Variants in UQCRB observed in about 807,000 individuals in gnomAD.
UQCRB encodes ubiquinol-cytochrome c reductase binding protein.
A neutral mutation model predicts 19.8 loss-of-function variants in UQCRB; 12 were observed. That is an observed-to-expected ratio of 0.61 (90% CI 0.39 to 0.98). The LOEUF is 0.98. Among genes scored for constraint, UQCRB ranks in the 50% least tolerant of loss-of-function variants. The pLI is 0.00. For missense variants in UQCRB, 142 were observed against 131.8 expected (o/e 1.08, Z -0.38); for synonymous variants, 39 against 42.9 (o/e 0.91, Z 0.35).
rs758600342 is a variant in UQCRB at position 96,231,922 on chromosome 8, G to A, written c.110C>T (p.Thr37Ile). 1.5e-5 allele frequency: 25 copies of A among 1,613,210 alleles called. No homozygotes were observed. In the South Asian group the frequency reaches 2.4e-4, roughly 16 times the overall value. The change falls in exon 3 of 4, where the codon ACA becomes ATA. Residue 37 changes from threonine to isoleucine, a missense_variant. Transcript: ENST00000287022. ...FNKLGLMRDDTIYEDEDVKEA... is the reference protein window; with the variant it reads ...FNKLGLMRDDIIYEDEDVKEA... Reference sequence around the variant, plus strand: ...TTTTACATCTTCATCCTCGTATATTGTATCATCTCGCATTAACCCTATGAT... The same window carrying A: ...TTTTACATCTTCATCCTCGTATATTATATCATCTCGCATTAACCCTATGAT...
At chr8:96,235,406 C>T (rs1809786682) in intron 1 of UQCRB, 106 bp downstream of exon 1, 2 of 1,520,312 alleles carry the variant, frequency 1.3e-6, no homozygotes, top group African/African-American at 2.7e-5. Context: ...TTCCCTTCCG[C>T]GACAAACTTG....
chr8:96,230,902 A>T lies in UQCRB; in HGVS notation c.*153T>A. On this transcript the variant is annotated 3_prime_UTR_variant, in exon 4 of 4. Transcript: ENST00000287022. The stretch of plus-strand genomic sequence containing the variant: ...TTAACAGTAAAGGGATTCAGTAGTT[A>T]TTCAGTATAAGGTTTGGAATTCAAA... The T allele has an allele frequency of 1.2e-6, 1 of 840,532 alleles. No homozygotes were observed. Among genetic ancestry groups the T allele is most frequent in the Non-Finnish European group, 2.0e-6 (1 of 494,396 alleles). The allele number at this position is 840,532 out of a possible 1,614,324, so 52.1% of individuals were successfully genotyped here. A position where few individuals can be genotyped will look rare whatever the true frequency, so the allele number is the denominator to read the frequency against.
Position 96,225,698 on chromosome 8 carries a change from A to G in UQCRB, c.*5357T>C, listed in dbSNP as rs140514239. ...CTTCTTGGCTTAGCTAACTTTGCTT[A>G]CTGTTCTGGAATCAGCCACATTATC... On this transcript the variant is annotated 3_prime_UTR_variant, in exon 4 of 4. Transcript: ENST00000287022. 7.5e-3 allele frequency among the ~76,000 whole-genome samples: 1,132 copies of G among 151,848 alleles called. 13 individuals carry two copies. Among genetic ancestry groups the G allele is most frequent in the African/African-American group, 0.026 (1,076 of 41,382 alleles).
In UQCRB at chr8:96,231,416, T is replaced by C. The variant is rs757035132; in HGVS notation, c.259-284A>G. 3.9e-6 allele frequency: 6 copies of C among 1,536,630 alleles called. No homozygotes were observed. The African/African-American group carries it at 6.8e-5, about 18-fold the overall frequency. ...TCAATGCAGTTCAAGGGGTGAGAGT[T>C]TGCTTCACAGAAGCTCTTCTTGGGA... On this transcript the variant is annotated intron_variant, in intron 3 of 3. Coordinates refer to ENST00000287022, the MANE Select transcript of UQCRB (RefSeq NM_006294.5).
rs959490630 is a variant in UQCRB, at chr8:96,224,170, C to A, written c.*6885G>T. On this transcript the variant is annotated 3_prime_UTR_variant, in exon 4 of 4. Transcript: ENST00000287022. Reference sequence around the variant, plus strand: ...AGTGTGGCACACCCAATCAGGCAAACCAAAGAATGTCCAATGAAGGGACAA... The same window carrying A: ...AGTGTGGCACACCCAATCAGGCAAAACAAAGAATGTCCAATGAAGGGACAA... 1.3e-5 allele frequency among the ~76,000 whole-genome samples: 2 copies of A among 152,072 alleles called. No individual in the cohort carries two copies. Among genetic ancestry groups the A allele is most frequent in the Non-Finnish European group, 2.9e-5 (2 of 68,026 alleles).
At position 96,223,777 on chromosome 8, in the gene UQCRB, T is replaced by C. The variant is rs773724542; in HGVS notation, c.*7278A>G. ...TAAAACAGGAGGAAAGAGAACACAA[T>C]GTTTTCAGAATGGACAAACCTTCTG... is the stretch of plus-strand genomic sequence containing the variant. On this transcript the variant is annotated 3_prime_UTR_variant, in exon 4 of 4. Transcript: ENST00000287022. 1.3e-5 allele frequency among the ~76,000 whole-genome samples: 2 copies of C among 152,202 alleles called. No individual in the cohort carries two copies. The highest frequency in any genetic ancestry group is 4.8e-5 in the African/African-American group (2 of 41,448).
intron 3 of UQCRB, 171 bp downstream of exon 3, chr8:96,231,603 G>A: frequency 7.6e-7 from 1 of 1,315,892 alleles, no homozygotes; most frequent in Non-Finnish European, 1.1e-6. Context: ...TCACACGTAA[G>A]ACTCAATGTG....
At position 96,230,098 on chromosome 8, in the gene UQCRB, T is replaced by C; in HGVS notation, c.*957A>G. On this transcript the variant is annotated 3_prime_UTR_variant, in exon 4 of 4. Transcript: ENST00000287022. ...ACATTGAATAATCCTAATTTTTTTT[T>C]TGAGACAGTCAATGTCGCTCAGGCT... The C allele has an allele frequency of 2.2e-6, 1 of 454,102 alleles. No individual in the cohort carries two copies. The highest frequency in any genetic ancestry group is 1.6e-5 in the South Asian group (1 of 64,478). 28.1% of individuals were successfully genotyped at this position (454,102 alleles called of 1,614,324 possible).
chr8:96,223,932 C>T lies in UQCRB; in HGVS notation c.*7123G>A, dbSNP rs1054627985. ...ACAGGTGGGGGTGGTAGAAGCCAGGCTTTGGAAGGCCACTCCCTTCAACTG... is the reference window on the plus strand; with the variant it reads ...ACAGGTGGGGGTGGTAGAAGCCAGGTTTTGGAAGGCCACTCCCTTCAACTG... On this transcript the variant is annotated 3_prime_UTR_variant, in exon 4 of 4. Transcript: ENST00000287022. Among the ~76,000 whole-genome samples, 1 of 152,152 alleles carries T rather than the reference C, an allele frequency of 6.6e-6. No homozygotes were observed. Among genetic ancestry groups the T allele is most frequent in the Non-Finnish European group, 1.5e-5 (1 of 68,038 alleles).
chr8:96,231,987 C>T lies in UQCRB; in HGVS notation c.92-47G>A, dbSNP rs751822953. 1.4e-4 allele frequency: 218 copies of T among 1,602,432 alleles called. 1 individual carries two copies. Among genetic ancestry groups the T allele is most frequent in the Non-Finnish European group, 1.8e-4 (209 of 1,175,632 alleles). On this transcript the variant is annotated intron_variant, in intron 2 of 3. Transcript: ENST00000287022. ...GATTGCACATGCATCTCAAAAATCG[C>T]GGTTTTTTTAAATTAGTAAAATACC...
rs902496343 is a variant in UQCRB at position 96,233,568 on chromosome 8, T to C, written c.20-341A>G. ...ACATCGTGTGCCCTTATGCCTGCCC[T>C]GTTACCTTCAGAAATGAAGGGGTGG... On this transcript the variant is annotated intron_variant, in intron 1 of 3. Coordinates refer to ENST00000287022, the MANE Select transcript of UQCRB (RefSeq NM_006294.5). 3.5e-4 allele frequency: 72 copies of C among 207,678 alleles called. 1 individual carries two copies. Among genetic ancestry groups the C allele is most frequent in the African/African-American group, 1.6e-3 (69 of 42,806 alleles). The allele number at this position is 207,678 out of a possible 1,614,324, so 12.9% of individuals were successfully genotyped here.
intron 1 of UQCRB, 184 bp from the exon 2 acceptor site, chr8:96,233,411 G>T: frequency 1.7e-6 from 1 of 586,148 alleles, no homozygotes; most frequent in Non-Finnish European, 3.0e-6. Context: ...AAAGAAAAAA[G>T]TTTATACTCT....
chr8:96,227,402 T>C lies in UQCRB; in HGVS notation c.*3653A>G, dbSNP rs1261627868. 2 of 454,114 alleles carry C rather than the reference T, an allele frequency of 4.4e-6. No homozygotes were observed. Among genetic ancestry groups the C allele is most frequent in the Admixed American group, 2.3e-5 (1 of 42,584 alleles). 28.1% of individuals were successfully genotyped at this position (454,114 alleles called of 1,614,324 possible). ...TGATGTACACTAAGTTGTAAAGTTA[T>C]AGGGCATCGCCACCTAGTGGCAGAA... On this transcript the variant is annotated 3_prime_UTR_variant, in exon 4 of 4. Transcript: ENST00000287022.
At chr8:96,233,352 A>C in intron 1 of UQCRB, 125 bp from the exon 2 acceptor site, 2 of 877,398 alleles carry the variant, frequency 2.3e-6, no homozygotes, top group South Asian at 2.8e-5. Context: ...TTTCCTTTTA[A>C]AAGTATATAG....
rs1167122831 is a variant in UQCRB at position 96,229,242 on chromosome 8, C to G, written c.*1813G>C. On this transcript the variant is annotated 3_prime_UTR_variant, in exon 4 of 4. Transcript: ENST00000287022. The stretch of plus-strand genomic sequence containing the variant: ...TGCCTTATGTAATACCACACTTTAC[C>G]TTGAGCAGGTGGATAGCCTGGGGGT... The G allele has an allele frequency of 1.1e-5, 5 of 454,104 alleles. No individual in the cohort carries two copies. In the Admixed American group the frequency reaches 1.2e-4, roughly 11 times the overall value. The allele number at this position is 454,104 out of a possible 1,614,324, so 28.1% of individuals were successfully genotyped here.
chr8:96,231,770 C>T lies in UQCRB; in HGVS notation c.258+4G>A. Reference sequence around the variant, plus strand: ...ACACTGTCAGGTAGATAAAGCTGTGCTACCTCTTCATATTTGGTCCACTGC... The same window carrying T: ...ACACTGTCAGGTAGATAAAGCTGTGTTACCTCTTCATATTTGGTCCACTGC... On this transcript the variant is annotated splice_donor_region_variant and intron_variant, in intron 3 of 3. Transcript: ENST00000287022. 6.2e-7 allele frequency: 1 copy of T among 1,613,976 alleles called. No individual in the cohort carries two copies.
Position 96,228,885 on chromosome 8 carries a change from G to A in UQCRB, c.*2170C>T, listed in dbSNP as rs1190819146. 1.8e-5 allele frequency: 8 copies of A among 453,948 alleles called. No homozygotes were observed. The highest frequency in any genetic ancestry group is 3.5e-5 in the Non-Finnish European group (8 of 226,776). 28.1% of individuals were successfully genotyped at this position (453,948 alleles called of 1,614,324 possible). The stretch of plus-strand genomic sequence containing the variant: ...ATGTAGATTTGGTCTACAGGACAAT[G>A]CAGAGTGCCTGTGTTTCAGGCACTC... On this transcript the variant is annotated 3_prime_UTR_variant, in exon 4 of 4. Coordinates refer to ENST00000287022, the MANE Select transcript of UQCRB (RefSeq NM_006294.5).
chr8:96,231,048 T>C lies in UQCRB; in HGVS notation c.*7A>G. The C allele has an allele frequency of 6.2e-7, 1 of 1,612,444 alleles. No individual in the cohort carries two copies. Among genetic ancestry groups the C allele is most frequent in the Non-Finnish European group, 8.5e-7 (1 of 1,179,508 alleles). On this transcript the variant is annotated 3_prime_UTR_variant, in exon 4 of 4. Transcript: ENST00000287022. ...AACAGCTGCATCCACAGACTTCAAC[T>C]ACATGATTACTTCTTTGCCCATTCT...
In UQCRB at chr8:96,229,251, G is replaced by A; in HGVS notation, c.*1804C>T. On this transcript the variant is annotated 3_prime_UTR_variant, in exon 4 of 4. Coordinates refer to ENST00000287022, the MANE Select transcript of UQCRB (RefSeq NM_006294.5). ...TAATACCACACTTTACCTTGAGCAGGTGGATAGCCTGGGGGTTCCTGTTAT... is the reference window on the plus strand; with the variant it reads ...TAATACCACACTTTACCTTGAGCAGATGGATAGCCTGGGGGTTCCTGTTAT... The A allele has an allele frequency of 2.2e-6, 1 of 454,120 alleles. No individual in the cohort carries two copies. Among genetic ancestry groups the A allele is most frequent in the Non-Finnish European group, 4.4e-6 (1 of 226,796 alleles). The allele number at this position is 454,120 out of a possible 1,614,324, so 28.1% of individuals were successfully genotyped here.
Sources: allele counts gnomAD v4.1 joint callset (sites outside exome capture counted in the v4.1 genomes callset), GRCh38; gene constraint gnomAD v4.1.1; transcripts MANE v1.5; gene names NCBI Gene and HGNC (gene_info 2026-07-23, HGNC 2026-07-21).